The following AAGAB variants were observed in gnomAD, a reference collection of about 807,000 sequenced individuals.
AAGAB encodes alpha- and gamma-adaptin-binding protein p34.
AAGAB carries 38 observed loss-of-function variants against 44.1 expected under a neutral mutation model. The observed-to-expected ratio is 0.86, with a 90% confidence interval of 0.67 to 1.13. AAGAB has a LOEUF of 1.13. Ranked by LOEUF, AAGAB falls within the 50% of genes most tolerant of loss-of-function variation. The probability of loss-of-function intolerance (pLI) is 0.00; values close to 1 mark genes in which losing one functional copy is unlikely to be tolerated. For synonymous variants in AAGAB, 131 were observed against 131.8 expected, an observed-to-expected ratio of 0.99 and a Z score of 0.04; for missense variants, 450 against 373.8, an observed-to-expected ratio of 1.20 and a Z score of -1.68.
chr15:67,209,513 T>C lies in AAGAB; in HGVS notation c.567A>G (p.Ser189=). 6.2e-7 allele frequency: 1 copy of C among 1,614,184 alleles called. No individual in the cohort carries two copies. Among genetic ancestry groups the C allele is most frequent in the Non-Finnish European group, 8.5e-7 (1 of 1,180,018 alleles). The change falls in exon 6 of 10, where the codon TCA becomes TCG. Residue 189 remains serine, a synonymous_variant. Coordinates refer to ENST00000261880, the MANE Select transcript of AAGAB (RefSeq NM_024666.5). ...DRNQGFSLLN[S]LTGTNHSIGS... ...CAATGCTATGGTTTGTTCCAGTCAA[T>C]GAGTTGAGAAGGCTAAAGCCTTGGT...
chr15:67,242,935 T>A (rs879310272), intron 1 of AAGAB: 2 of 152,188 alleles, frequency 1.3e-5, no homozygotes, highest in Non-Finnish European at 1.5e-5. Context: ...CAACATTTAA[T>A]TACCTCTTCC....
intron 5 of AAGAB, among the ~76,000 whole-genome samples, chr15:67,222,417 A>T (rs1319873689): frequency 6.6e-6 from 1 of 151,852 alleles, no homozygotes; most frequent in Non-Finnish European, 1.5e-5. Flanking sequence ...TGACTGTTTC[A>T]CATTTTCTCC....
chr15:67,203,428 A>C (rs947333799), intron 9 of AAGAB, 120 bp downstream of exon 9: 14 of 847,752 alleles, frequency 1.7e-5, no homozygotes, highest in Non-Finnish European at 2.6e-5. Context: ...GTTAGAAGTT[A>C]ATATTCAATG....
chr15:67,236,836 A>C lies in AAGAB; in HGVS notation c.74-16T>G, dbSNP rs200086967. 3 of 1,587,800 alleles carry C rather than the reference A, an allele frequency of 1.9e-6. No homozygotes were observed. The highest frequency in any genetic ancestry group is 2.6e-6 in the Non-Finnish European group (3 of 1,165,486). On this transcript the variant is annotated splice_polypyrimidine_tract_variant and intron_variant, in intron 1 of 9. Coordinates refer to ENST00000261880, the MANE Select transcript of AAGAB (RefSeq NM_024666.5). ...CCAAGGATATCTAAAAATAAATGAC[A>C]ACATTACCATGTAAAGTGCAAAACC...
At chr15:67,231,711 T>C in intron 5 of AAGAB, 103 bp downstream of exon 5, 2 of 931,864 alleles carry the variant, frequency 2.1e-6, no homozygotes. Flanking sequence ...TTGGAACAAA[T>C]CTACAGATTT....
chr15:67,214,527 C>G (rs1179271721), intron 5 of AAGAB, among the ~76,000 whole-genome samples: 3 of 152,200 alleles, frequency 2.0e-5, no homozygotes, highest in African/African-American at 4.8e-5. Flanking sequence ...CACCAGATGC[C>G]TATAAGACTG....
chr15:67,242,579 A>C (rs1964629028), intron 1 of AAGAB, among the ~76,000 whole-genome samples: 1 of 152,188 alleles, frequency 6.6e-6, no homozygotes, highest in African/African-American at 2.4e-5. Flanking sequence ...AGTTGTGAAA[A>C]GGTTAGTCCC....
intron 4 of AAGAB, 33 bp from the exon 5 acceptor site, chr15:67,231,930 T>C: frequency 1.3e-6 from 2 of 1,537,524 alleles, no homozygotes; most frequent in South Asian, 1.1e-5. Flanking sequence ...TATATTTATA[T>C]GCAACACTCA....
intron 1 of AAGAB, among the ~76,000 whole-genome samples, chr15:67,249,968 A>G (rs78993419): frequency 5.1e-4 from 77 of 152,320 alleles, no homozygotes; most frequent in African/African-American, 1.8e-3. Context: ...AAATTTCTAC[A>G]TTTCACTAAA....
At chr15:67,215,181 G>A (rs966886466) in intron 5 of AAGAB, among the ~76,000 whole-genome samples, 3 of 151,834 alleles carry the variant, frequency 2.0e-5, no homozygotes, top group Non-Finnish European at 4.4e-5. Context: ...TACTCATCTC[G>A]AGTCAAAATG....
intron 5 of AAGAB, among the ~76,000 whole-genome samples, chr15:67,230,713 G>A (rs1356415040): frequency 2.0e-5 from 3 of 152,098 alleles, no homozygotes; most frequent in Non-Finnish European, 4.4e-5. Flanking sequence ...ACAGTAAGAG[G>A]CCAGTGTGCA....
At chr15:67,226,349 T>C (rs937600288) in intron 5 of AAGAB, among the ~76,000 whole-genome samples, 2 of 152,132 alleles carry the variant, frequency 1.3e-5, no homozygotes, top group African/African-American at 2.4e-5. Context: ...TTTGAATGCC[T>C]GACCTCAAAC....
chr15:67,223,496 A>G (rs1964129207), intron 5 of AAGAB, among the ~76,000 whole-genome samples: 3 of 152,296 alleles, frequency 2.0e-5, no homozygotes, highest in Admixed American at 2.0e-4. Flanking sequence ...ACTATCAGGA[A>G]ACCATGCTGG....
chr15:67,229,564 C>G (rs1964287547), intron 5 of AAGAB, among the ~76,000 whole-genome samples: 1 of 150,632 alleles, frequency 6.6e-6, no homozygotes, highest in Non-Finnish European at 1.5e-5. Flanking sequence ...TTAACAGACA[C>G]AATAAGATTC....
At chr15:67,231,692 G>A (rs1445047285) in intron 5 of AAGAB, 122 bp downstream of exon 5, 9 of 760,940 alleles carry the variant, frequency 1.2e-5, no homozygotes, top group Middle Eastern at 2.6e-4. Context: ...TTCAATCAGC[G>A]AACTGAAATT....
At chr15:67,253,455 A>AAG (rs1455447441) in intron 1 of AAGAB, among the ~76,000 whole-genome samples, 1 of 151,846 alleles carries the variant, frequency 6.6e-6, no homozygotes, top group African/African-American at 2.4e-5. Context: ...AAGGAGAGAA[A>AAG]AGAGAAAGTG....
intron 1 of AAGAB, 36 bp from the exon 2 acceptor site, chr15:67,236,856 A>G (rs1964482805): frequency 6.6e-7 from 1 of 1,516,874 alleles, no homozygotes; most frequent in East Asian, 2.3e-5. Context: ...TGTAAAGTGC[A>G]AAACCAATAT....
Position 67,208,582 on chromosome 15 carries a change from G to A in AAGAB, c.695C>T (p.Ala232Val). 6.2e-7 allele frequency: 1 copy of A among 1,613,998 alleles called. No homozygotes were observed. Residue 232 changes from alanine (A) to valine (V), a missense_variant, in exon 7 of 10, where the codon GCC becomes GTC. Physicochemically the swap from Ala to Val is moderately conservative, Grantham distance 64 (BLOSUM62 0). Coordinates refer to ENST00000261880, the MANE Select transcript of AAGAB (RefSeq NM_024666.5). ...HRGGASNTTD[A>V]QVDSIVDPML... ...CTTACCCACAATGCTATCAACCTGG[G>A]CATCTGTTGTGTTAGATGCACCACC... is the stretch of plus-strand genomic sequence containing the variant.
At chr15:67,220,144 C>G (rs1259495964) in intron 5 of AAGAB, among the ~76,000 whole-genome samples, 1 of 152,046 alleles carries the variant, frequency 6.6e-6, no homozygotes, top group African/African-American at 2.4e-5. Context: ...GTGCAAAGAC[C>G]GTGGGATAAA....
Sources: gnomAD v4.1 joint callset for allele counts (sites outside exome capture counted in the v4.1 genomes callset) on GRCh38, gnomAD v4.1.1 for gene constraint, MANE v1.5 for transcripts, NCBI Gene and HGNC (gene_info 2026-07-23, HGNC 2026-07-21) for gene names.